HERC4: variants seen among roughly 807,000 people sequenced by gnomAD.
HERC4 encodes probable E3 ubiquitin-protein ligase HERC4.
In HERC4, 28 loss-of-function variants were observed where a neutral mutation model predicts 124.3. That is an observed-to-expected ratio of 0.23 (90% confidence interval 0.17 to 0.31). HERC4 has a LOEUF of 0.31. Among genes scored for constraint, HERC4 ranks in the 10% least tolerant of loss-of-function variants. HERC4 has a pLI of 1.00. For synonymous variants in HERC4, 407 were observed against 421.5 expected (o/e 0.97, Z 0.42); for missense variants, 713 against 1,229.3 (o/e 0.58, Z 6.28).
chr10:67,985,653 C>T (rs1274959817), intron 15 of HERC4, among the ~76,000 whole-genome samples: 1 of 152,166 alleles, frequency 6.6e-6, no homozygotes, highest in Non-Finnish European at 1.5e-5. Context: ...ACCAGCATGT[C>T]TATAATGTAC....
rs2131909495 is a variant in HERC4 at position 67,921,971 on chromosome 10, A to G, written c.*960T>C. 6.6e-6 allele frequency: 1 copy of G among 152,326 alleles called. No homozygotes were observed. Among genetic ancestry groups the G allele is most frequent in the African/African-American group, 2.4e-5 (1 of 41,570 alleles). 9.4% of individuals were successfully genotyped at this position (152,326 alleles called of 1,614,324 possible). On this transcript the variant is annotated 3_prime_UTR_variant, in exon 25 of 25. Transcript: ENST00000373700. ...CGGCATTTTAAAATAAATTTAAAAA[A>G]TAAATATTTGCATTATAGCAGAAAG... is the stretch of plus-strand genomic sequence containing the variant.
intron 3 of HERC4, among the ~76,000 whole-genome samples, chr10:68,047,239 G>T (rs1340946803): frequency 6.6e-6 from 1 of 151,202 alleles, no homozygotes; most frequent in African/African-American, 2.4e-5. Flanking sequence ...TGACAAGTGG[G>T]TAAGAGATGT....
chr10:67,984,280 C>T (rs1329183950), intron 15 of HERC4, among the ~76,000 whole-genome samples: 3 of 143,264 alleles, frequency 2.1e-5, no homozygotes, highest in Admixed American at 7.2e-5. Flanking sequence ...CCACCCTGGA[C>T]GACAGAGTGA....
intron 16 of HERC4, among the ~76,000 whole-genome samples, chr10:67,961,914 G>A (rs1372703433): frequency 6.6e-6 from 1 of 151,682 alleles, no homozygotes; most frequent in African/African-American, 2.4e-5. Flanking sequence ...GCTCCAACTG[G>A]CAGTGTAAAC....
At chr10:67,989,885 G>T (rs1589259557) in intron 14 of HERC4, among the ~76,000 whole-genome samples, 1 of 151,712 alleles carries the variant, frequency 6.6e-6, no homozygotes, top group Non-Finnish European at 1.5e-5. Context: ...AGTTTTAATT[G>T]TTCCTCCTCC....
intron 3 of HERC4, 89 bp downstream of exon 3, chr10:68,072,794 T>C: frequency 3.5e-6 from 3 of 866,322 alleles, no homozygotes; most frequent in Non-Finnish European, 5.2e-6. Flanking sequence ...GATAAACATA[T>C]AGTTACAACT....
Position 68,025,619 on chromosome 10 carries a change from T to C in HERC4, c.835A>G (p.Thr279Ala). The change falls in exon 8 of 25, where the codon ACC (threonine) becomes GCC (alanine). Residue 279 changes from threonine to alanine, a missense_variant. Coordinates refer to ENST00000373700, the MANE Select transcript of HERC4 (RefSeq NM_015601.4). ...GGYGQLGHNSTSHEINPRKVF... is the reference protein window; with the variant it reads ...GGYGQLGHNSASHEINPRKVF... ...TTCCTTGGGTTTATTTCATGACTGG[T>C]AGAATTATGGCCCAACTGACCATAC... 2 of 1,613,864 alleles carry C rather than the reference T, an allele frequency of 1.2e-6. No individual in the cohort carries two copies. The highest frequency in any genetic ancestry group is 1.7e-6 in the Non-Finnish European group (2 of 1,179,882).
chr10:67,923,493 T>C (rs145221350), intron 24 of HERC4, among the ~76,000 whole-genome samples: 2 of 152,336 alleles, frequency 1.3e-5, no homozygotes, highest in Admixed American at 1.3e-4. Flanking sequence ...TTATGATTTC[T>C]TTTTCTATTT....
chr10:67,957,156 C>A (rs193141666), intron 16 of HERC4, among the ~76,000 whole-genome samples, 180 bp from the exon 17 acceptor site: 123 of 152,256 alleles, frequency 8.1e-4, no homozygotes, highest in Non-Finnish European at 1.6e-3. Context: ...TTGGAATGAA[C>A]CCAATTCCCA....
chr10:68,068,997 A>C (rs1322655505), intron 3 of HERC4: 8 of 960,690 alleles, frequency 8.3e-6, no homozygotes, highest in Non-Finnish European at 9.9e-6. Flanking sequence ...TTTAGATAAC[A>C]GGGCTTGTTT....
chr10:67,936,093 A>G (rs1015100191), intron 22 of HERC4, 60 bp downstream of exon 22: 10 of 1,108,562 alleles, frequency 9.0e-6, no homozygotes, highest in Non-Finnish European at 1.3e-5. Flanking sequence ...TTTTCTACGT[A>G]CAGAAGAAAA....
intron 11 of HERC4, 82 bp from the exon 12 acceptor site, chr10:67,991,281 ATAAT>A: frequency 2.7e-6 from 2 of 754,522 alleles, no homozygotes; most frequent in Non-Finnish European, 2.0e-6. Flanking sequence ...ATTAAAATGA[ATAAT>A]TAATCTAATG....
At chr10:67,974,327 C>T (rs2035453705) in intron 15 of HERC4, among the ~76,000 whole-genome samples, 1 of 152,060 alleles carries the variant, frequency 6.6e-6, no homozygotes, top group African/African-American at 2.4e-5. Flanking sequence ...AGATGTTGCA[C>T]TTAAGAGAAG....
intron 20 of HERC4, among the ~76,000 whole-genome samples, chr10:67,940,162 G>A (rs1253707635): frequency 1.3e-5 from 2 of 151,908 alleles, no homozygotes; most frequent in East Asian, 1.9e-4. Context: ...TCCTGACCTC[G>A]TGATCTGCCC....
chr10:68,008,897 A>G (rs2037753523), intron 9 of HERC4, among the ~76,000 whole-genome samples: 1 of 152,138 alleles, frequency 6.6e-6, no homozygotes, highest in African/African-American at 2.4e-5. Flanking sequence ...AAGTCACACA[A>G]ATTTTTGGTT....
At chr10:68,016,716 T>TA (rs1018932684) in intron 8 of HERC4, among the ~76,000 whole-genome samples, 88 of 152,294 alleles carry the variant, frequency 5.8e-4, no homozygotes, top group African/African-American at 2.0e-3. Context: ...GATACCTACT[T>TA]ACACTTCCTG....
chr10:68,010,050 T>C (rs912785207), intron 9 of HERC4, among the ~76,000 whole-genome samples: 4 of 152,158 alleles, frequency 2.6e-5, no homozygotes, highest in Admixed American at 1.3e-4. Flanking sequence ...CTCCAACCAG[T>C]TGCCCCAAAC....
chr10:68,062,862 T>C (rs1163419407), intron 3 of HERC4, among the ~76,000 whole-genome samples: 2 of 152,202 alleles, frequency 1.3e-5, no homozygotes, highest in Non-Finnish European at 2.9e-5. Flanking sequence ...AAATCCATGG[T>C]AATTCCCATT....
intron 5 of HERC4, among the ~76,000 whole-genome samples, chr10:68,037,332 G>A (rs2039530923): frequency 2.0e-5 from 3 of 152,058 alleles, no homozygotes; most frequent in African/African-American, 2.4e-5. Context: ...CTGAACTCAG[G>A]TGATCTGCCC....
Sources: allele counts gnomAD v4.1 joint callset (sites outside exome capture counted in the v4.1 genomes callset), GRCh38; gene constraint gnomAD v4.1.1; transcripts MANE v1.5; gene names NCBI Gene and HGNC (gene_info 2026-07-23, HGNC 2026-07-21).